TNXB: variants seen among roughly 807,000 people sequenced by gnomAD.
The protein encoded by TNXB is tenascin-X.
In TNXB, 183 loss-of-function variants were observed where a neutral mutation model predicts 340.5. The ratio of observed to expected loss-of-function variants is 0.54; its 90% CI spans 0.48 to 0.61. TNXB has a LOEUF of 0.61. TNXB is among the 20% of genes least tolerant of loss of function. The pLI is 0.00. For synonymous variants in TNXB, 2,121 were observed against 2,314.5 expected (o/e 0.92, Z 2.40); for missense variants, 4,613 against 5,446.4 (o/e 0.85, Z 4.82).
chr6:32,043,616 C>T, intron 35 of TNXB, 60 bp from the exon 36 acceptor site: 1 of 1,357,090 alleles, frequency 7.4e-7, no homozygotes, highest in South Asian at 1.2e-5. Context: ...CGTGCCTCCC[C>T]AGACTCCACT....
intron 1 of TNXB, among the ~76,000 whole-genome samples, chr6:32,104,907 G>C (rs1366487646): frequency 6.6e-6 from 1 of 152,158 alleles, no homozygotes; most frequent in African/African-American, 2.4e-5. Flanking sequence ...AATGTGCTGG[G>C]ATTACAGGCG....
chr6:32,055,772 T>C, intron 24 of TNXB, 79 bp downstream of exon 24: 1 of 1,537,934 alleles, frequency 6.5e-7, no homozygotes, highest in Non-Finnish European at 8.8e-7. Flanking sequence ...GCCCGGCTGG[T>C]GAGAATATTT....
rs1223419088 is a variant in TNXB at position 32,061,970 on chromosome 6, G to A, written c.7168+187C>T. On this transcript the variant is annotated intron_variant, in intron 20 of 43. Transcript: ENST00000644971. The surrounding 1 kb of genome is among the most constrained non-coding windows in gnomAD (Gnocchi z 4.4). ...CCACCAGCACAGCAAAACTCCCAATGGCCCCTCCCTGCTCAGGGGGAGCCA... is the reference window on the plus strand; with the variant it reads ...CCACCAGCACAGCAAAACTCCCAATAGCCCCTCCCTGCTCAGGGGGAGCCA... Among the ~76,000 whole-genome samples, 5 of 152,132 alleles carry A rather than the reference G, an allele frequency of 3.3e-5. No homozygotes were observed. The highest frequency in any genetic ancestry group is 7.4e-5 in the Non-Finnish European group (5 of 68,010).
chr6:32,099,499 TG>T (rs1780601035), intron 1 of TNXB, among the ~76,000 whole-genome samples: 1 of 152,172 alleles, frequency 6.6e-6, no homozygotes, highest in East Asian at 1.9e-4. Flanking sequence ...CCCAAAGTGC[TG>T]GGATTACAGG....
Position 32,049,624 on chromosome 6 carries a change from T to C in TNXB, c.9440-37A>G. The stretch of plus-strand genomic sequence containing the variant: ...AAGGAGGGAGAGAGAGTGAGGGGGA[T>C]GTCCTTGGGTCCTGGGGAAAAGGAG... On this transcript the variant is annotated intron_variant, in intron 27 of 43. Coordinates refer to ENST00000644971, the MANE Select transcript of TNXB (RefSeq NM_001365276.2). The surrounding 1 kb of genome is among the most constrained non-coding windows in gnomAD (Gnocchi z 4.5). 1 of 1,590,838 alleles carries C rather than the reference T, an allele frequency of 6.3e-7. No individual in the cohort carries two copies. Among genetic ancestry groups the C allele is most frequent in the Non-Finnish European group, 8.6e-7 (1 of 1,165,546 alleles).
At position 32,053,581 on chromosome 6, in the gene TNXB, G is replaced by A. The variant is rs141752970; in HGVS notation, c.8598C>T (p.Val2866=). 2.9e-3 allele frequency: 4,704 copies of A among 1,613,570 alleles called. 149 individuals carry two copies. In the East Asian group the frequency reaches 0.073, roughly 25 times the overall value. The change falls in exon 25 of 44, where the codon GTC becomes GTT. Residue 2866 remains valine, a synonymous_variant. Coordinates refer to ENST00000644971, the MANE Select transcript of TNXB (RefSeq NM_001365276.2). ...GGAAGTGGTCAAACTGGCCCTCGGG[G>A]ACCATCCAGGACAGGCTGAGGGAGT... ...TPDSLSLSWM[V]PEGQFDHFLV...
At chr6:32,066,851 C>T (rs1205951273) in intron 18 of TNXB, among the ~76,000 whole-genome samples, 2 of 152,164 alleles carry the variant, frequency 1.3e-5, no homozygotes, top group African/African-American at 2.4e-5. Flanking sequence ...GGGAGGATAA[C>T]TTGAGCCCAG....
At position 32,052,568 on chromosome 6, in the gene TNXB, A is replaced by G; in HGVS notation, c.9115+102T>C. The stretch of plus-strand genomic sequence containing the variant: ...AAATCTCCAGGCATTTGGATACACA[A>G]AGGAAGGAATACTCTTCAGAGTATG... On this transcript the variant is annotated intron_variant, in intron 26 of 43. Coordinates refer to ENST00000644971, the MANE Select transcript of TNXB (RefSeq NM_001365276.2). This position sits in a 1 kb window ranked among gnomAD's most constrained non-coding sequence, Gnocchi z 4.7. The G allele has an allele frequency of 1.4e-6, 2 of 1,468,532 alleles. No homozygotes were observed. Among genetic ancestry groups the G allele is most frequent in the Non-Finnish European group, 1.8e-6 (2 of 1,093,142 alleles). The allele number at this position is 1,468,532 out of a possible 1,614,324, so 91.0% of individuals were successfully genotyped here.
Position 32,049,686 on chromosome 6 carries a change from A to G in TNXB, c.9440-99T>C. On this transcript the variant is annotated intron_variant, in intron 27 of 43. Coordinates refer to ENST00000644971, the MANE Select transcript of TNXB (RefSeq NM_001365276.2). This position sits in a 1 kb window ranked among gnomAD's most constrained non-coding sequence, Gnocchi z 4.5. ...GGCTATGACTGGGGGACCTGAGGTC[A>G]TTTCAGAGAAGTCCATTCTTGGGGC... 1 of 1,380,390 alleles carries G rather than the reference A, an allele frequency of 7.2e-7. No individual in the cohort carries two copies. Among genetic ancestry groups the G allele is most frequent in the Admixed American group, 2.4e-5 (1 of 41,994 alleles). 85.5% of individuals were successfully genotyped at this position (1,380,390 alleles called of 1,614,324 possible).
Position 32,052,685 on chromosome 6 carries a change from C to A in TNXB, c.9100G>T (p.Ala3034Ser), listed in dbSNP as rs770049252. 3.1e-6 allele frequency: 5 copies of A among 1,613,220 alleles called. No individual in the cohort carries two copies. The highest frequency in any genetic ancestry group is 1.7e-4 in the Middle Eastern group (1 of 6,060). Residue 3034 changes from alanine (A) to serine (S), a missense_variant, in exon 26 of 44, where the codon GCT (alanine) becomes TCT (serine). By Grantham distance (99) the Ala-to-Ser change is moderately conservative (BLOSUM62 1). Coordinates refer to ENST00000644971, the MANE Select transcript of TNXB (RefSeq NM_001365276.2). The surrounding 1 kb of genome is among the most constrained non-coding windows in gnomAD (Gnocchi z 4.7). The stretch of plus-strand genomic sequence containing the variant: ...ACTTACTCACCTGTCACACCCACAG[C>A]GGACACTGGGCCCACGCGCTGCCCC... The part of the protein sequence containing the change: ...HEGQRVGPVS[A>S]VGVTAPKDEA...
In TNXB at chr6:32,053,437, G is replaced by A. The variant is rs1777419846; in HGVS notation, c.8742C>T (p.Gly2914=). The part of the protein sequence containing the change: ...PDHKYKMNLY[G]FHGGQRVGPI... Reference sequence around the variant, plus strand: ...GGCCCACGCGCTGGCCACCGTGGAAGCCGTACAGGTTCATCTTGTACTTGT... The same window carrying A: ...GGCCCACGCGCTGGCCACCGTGGAAACCGTACAGGTTCATCTTGTACTTGT... The change falls in exon 25 of 44, where the codon GGC becomes GGT. Residue 2914 remains glycine, a synonymous_variant. Transcript: ENST00000644971. 6.2e-7 allele frequency: 1 copy of A among 1,613,024 alleles called. No homozygotes were observed. The highest frequency in any genetic ancestry group is 1.3e-5 in the African/African-American group (1 of 74,900).
At position 32,043,804 on chromosome 6, in the gene TNXB, C is replaced by T; in HGVS notation, c.11475G>A (p.Val3825=). The T allele has an allele frequency of 1.2e-6, 2 of 1,613,564 alleles. No individual in the cohort carries two copies. Among genetic ancestry groups the T allele is most frequent in the Non-Finnish European group, 1.7e-6 (2 of 1,180,016 alleles). ...LIPGARYEVT[V]VSVRGFEESE... is the part of the protein sequence containing the mutation. ...TCTCCTCAAAGCCTCGGACCGAGAC[C>T]ACGGTCACCTCATAGCGAGCGCCTG... is the stretch of plus-strand genomic sequence containing the variant. The change falls in exon 35 of 44, where the codon GTG becomes GTA. Residue 3825 remains valine, a synonymous_variant. Transcript: ENST00000644971.
In TNXB at chr6:32,097,883, G is replaced by C. The variant is rs1189846234; in HGVS notation, c.316C>G (p.Arg106Gly). ...LASEVQALRV[R>G]LEILEELVKG... ...ACCAACTCCTCCAGGATCTCTAGAC[G>C]GACCCTCAGGGCCTGTACCTCTGAA... is the stretch of plus-strand genomic sequence containing the variant. Residue 106 changes from arginine to glycine, a missense_variant, in exon 2 of 44, where the codon CGT becomes GGT. Around this residue, in one of 7 missense-constraint regions of TNXB, gnomAD observed 4,327 missense variants for 4,859.4 expected, o/e 0.89. Transcript: ENST00000644971. This position sits in a 1 kb window ranked among gnomAD's most constrained non-coding sequence, Gnocchi z 5.9. 5.1e-6 allele frequency: 8 copies of C among 1,570,416 alleles called. No homozygotes were observed. The highest frequency in any genetic ancestry group is 1.3e-5 in the African/African-American group (1 of 74,230).
chr6:32,086,099 G>A lies in TNXB; in HGVS notation c.2799C>T (p.Leu933=), dbSNP rs1372110858. 1 of 1,549,714 alleles carries A rather than the reference G, an allele frequency of 6.5e-7. No individual in the cohort carries two copies. Among genetic ancestry groups the A allele is most frequent in the African/African-American group, 1.4e-5 (1 of 73,666 alleles). Residue 933 remains leucine, a synonymous_variant, in exon 7 of 44, where the codon CTC becomes CTT. Transcript: ENST00000644971. ...GAGGAGGCTCATCGGTAGTCCCCAAGAGGCCCAAGGGTGAGGACCCTGGGA... is the reference window on the plus strand; with the variant it reads ...GAGGAGGCTCATCGGTAGTCCCCAAAAGGCCCAAGGGTGAGGACCCTGGGA... ...RANTGSSPLG[L]LGTTDEPPPS...
rs1780490435 is a variant in TNXB, at chr6:32,097,694, G to A, written c.403+102C>T. Reference sequence around the variant, plus strand: ...GGGCTGCATCCACACCCCTCATGGTGAGGAAGGAGTGCCTTCTTCTAATTC... The same window carrying A: ...GGGCTGCATCCACACCCCTCATGGTAAGGAAGGAGTGCCTTCTTCTAATTC... On this transcript the variant is annotated intron_variant, in intron 2 of 43. Coordinates refer to ENST00000644971, the MANE Select transcript of TNXB (RefSeq NM_001365276.2). The surrounding 1 kb of genome is among the most constrained non-coding windows in gnomAD (Gnocchi z 5.9). 4 of 1,333,640 alleles carry A rather than the reference G, an allele frequency of 3.0e-6. No individual in the cohort carries two copies. In the South Asian group the frequency reaches 4.8e-5, roughly 16 times the overall value. The allele number at this position is 1,333,640 out of a possible 1,614,324, so 82.6% of individuals were successfully genotyped here. A position where few individuals can be genotyped will look rare whatever the true frequency, so the allele number is the denominator to read the frequency against.
At position 32,075,911 on chromosome 6, in the gene TNXB, C is replaced by G. The variant is rs976824194; in HGVS notation, c.4376-1959G>C. Among the ~76,000 whole-genome samples, 2 of 152,206 alleles carry G rather than the reference C, an allele frequency of 1.3e-5. No homozygotes were observed. Among genetic ancestry groups the G allele is most frequent in the East Asian group, 3.9e-4 (2 of 5,192 alleles). On this transcript the variant is annotated intron_variant, in intron 11 of 43. Coordinates refer to ENST00000644971, the MANE Select transcript of TNXB (RefSeq NM_001365276.2). This position sits in a 1 kb window ranked among gnomAD's most constrained non-coding sequence, Gnocchi z 4.6. ...CTCTGGCTTCCTCCGGAGGGCAAGACAAGGCTCCAAGCAAGTGACAACTGC... is the reference window on the plus strand; with the variant it reads ...CTCTGGCTTCCTCCGGAGGGCAAGAGAAGGCTCCAAGCAAGTGACAACTGC...
intron 24 of TNXB, among the ~76,000 whole-genome samples, chr6:32,054,505 C>A (rs1355326376): frequency 6.6e-6 from 1 of 152,220 alleles, no homozygotes; most frequent in African/African-American, 2.4e-5. Flanking sequence ...AGCCTCCTGG[C>A]CTTTGCACTA....
chr6:32,049,881 C>A lies in TNXB; in HGVS notation c.9439+117G>T. 6.7e-7 allele frequency: 1 copy of A among 1,502,592 alleles called. No homozygotes were observed. The highest frequency in any genetic ancestry group is 2.4e-5 in the East Asian group (1 of 42,494). The allele number at this position is 1,502,592 out of a possible 1,614,324, so 93.1% of individuals were successfully genotyped here. A position where few individuals can be genotyped will look rare whatever the true frequency, so the allele number is the denominator to read the frequency against. On this transcript the variant is annotated intron_variant, in intron 27 of 43. Coordinates refer to ENST00000644971, the MANE Select transcript of TNXB (RefSeq NM_001365276.2). The surrounding 1 kb of genome is among the most constrained non-coding windows in gnomAD (Gnocchi z 4.5). ...GCCCAAGGGGAGTCCCAGCCCCAGC[C>A]ACAAGCAGTTCTGTGGTGCTGACCA...
At chr6:32,104,279 T>C (rs1427242827) in intron 1 of TNXB, among the ~76,000 whole-genome samples, 1 of 152,166 alleles carries the variant, frequency 6.6e-6, no homozygotes, top group Non-Finnish European at 1.5e-5. Flanking sequence ...ATACACCAAT[T>C]TGTAAAACAC....
Sources: gnomAD v4.1 joint callset for allele counts (sites outside exome capture counted in the v4.1 genomes callset) on GRCh38, gnomAD v4.1.1 for gene constraint, gnomAD v4.1.1 regional missense constraint, Gnocchi (gnomAD v3.1) non-coding constraint, MANE v1.5 for transcripts, NCBI Gene and HGNC (gene_info 2026-07-23, HGNC 2026-07-21) for gene names.